PDE7B: variants seen among roughly 807,000 people sequenced by gnomAD.
PDE7B encodes phosphodiesterase 7B.
Under a neutral mutation model 56.2 loss-of-function variants are expected in PDE7B, and 29 were observed. The observed-to-expected ratio is 0.52, with a 90% CI of 0.38 to 0.70. PDE7B has a LOEUF of 0.70. Ranked by LOEUF, PDE7B falls within the 30% of genes least tolerant of loss-of-function variation. The probability of loss-of-function intolerance (pLI) is 0.00; values close to 1 mark genes in which losing one functional copy is unlikely to be tolerated. For missense variants in PDE7B, 490 were observed against 565.0 expected, an observed-to-expected ratio of 0.87 and a Z score of 1.35; for synonymous variants, 197 against 196.9, an observed-to-expected ratio of 1.00 and a Z score of 0.00.
intron 1 of PDE7B, among the ~76,000 whole-genome samples, chr6:135,893,797 A>G (rs1366125193): frequency 1.3e-5 from 2 of 152,190 alleles, no homozygotes; most frequent in African/African-American, 4.8e-5. Flanking sequence ...TTATATAGAA[A>G]TTAATAATGA....
chr6:135,894,927 CAGAA>C (rs1452128725), intron 1 of PDE7B, among the ~76,000 whole-genome samples: 2 of 152,006 alleles, frequency 1.3e-5, no homozygotes, highest in East Asian at 3.8e-4. Flanking sequence ...ATTTTTCTCA[CAGAA>C]AGAATCATAT....
At chr6:136,047,773 T>A (rs1325985260) in intron 2 of PDE7B, among the ~76,000 whole-genome samples, 7 of 152,144 alleles carry the variant, frequency 4.6e-5, no homozygotes, top group African/African-American at 1.7e-4. Context: ...AAATGAAAAA[T>A]TCAAATTTCT....
At chr6:136,130,233 G>A (rs536090197) in intron 3 of PDE7B, among the ~76,000 whole-genome samples, 6 of 152,186 alleles carry the variant, frequency 3.9e-5, no homozygotes, top group East Asian at 3.9e-4. Context: ...AGAGGGTGGC[G>A]CCAAAAACTT....
chr6:135,941,493 G>A (rs73775627), intron 1 of PDE7B, among the ~76,000 whole-genome samples: 1,593 of 152,330 alleles, frequency 0.01, 24 homozygotes, highest in African/African-American at 0.036. Context: ...ACAACTCAGT[G>A]ATGCTTCCTA....
chr6:135,911,018 A>G (rs184699270), intron 1 of PDE7B, among the ~76,000 whole-genome samples: 104 of 152,358 alleles, frequency 6.8e-4, no homozygotes, highest in Non-Finnish European at 1.2e-3. Context: ...GCAGTTGATA[A>G]CACAAGGCTC....
At chr6:135,911,340 T>G (rs1384009198) in intron 1 of PDE7B, among the ~76,000 whole-genome samples, 2 of 152,202 alleles carry the variant, frequency 1.3e-5, no homozygotes, top group Non-Finnish European at 2.9e-5. Context: ...AGTGACCAAC[T>G]GGATGACCTT....
At chr6:135,914,388 C>T (rs987353009) in intron 1 of PDE7B, among the ~76,000 whole-genome samples, 21 of 150,952 alleles carry the variant, frequency 1.4e-4, no homozygotes, top group African/African-American at 4.6e-4. Flanking sequence ...CCAGCACTGA[C>T]GTGAACTGCT....
At chr6:136,036,216 T>G (rs144261256) in intron 2 of PDE7B, among the ~76,000 whole-genome samples, 1 of 152,166 alleles carries the variant, frequency 6.6e-6, no homozygotes, top group Non-Finnish European at 1.5e-5. Context: ...GTTGAACTGA[T>G]GGTGAAATCC....
intron 11 of PDE7B, among the ~76,000 whole-genome samples, chr6:136,185,978 C>G (rs1048547627): frequency 6.6e-6 from 1 of 152,040 alleles, no homozygotes; most frequent in South Asian, 2.1e-4. Flanking sequence ...TGAAGTATTT[C>G]AATAAAGTTT....
intron 9 of PDE7B, among the ~76,000 whole-genome samples, chr6:136,175,529 T>C (rs1339673720): frequency 1.3e-5 from 2 of 152,180 alleles, no homozygotes; most frequent in Non-Finnish European, 2.9e-5. Context: ...TTAACCTGGC[T>C]AGTTTATTTT....
intron 2 of PDE7B, among the ~76,000 whole-genome samples, chr6:136,087,527 T>TAATA (rs1263961994): frequency 6.6e-6 from 1 of 152,198 alleles, no homozygotes; most frequent in East Asian, 1.9e-4. Flanking sequence ...GAAATTAAGT[T>TAATA]AATACCATAA....
At chr6:135,980,950 C>T in intron 2 of PDE7B, among the ~76,000 whole-genome samples, 1 of 149,210 alleles carries the variant, frequency 6.7e-6, no homozygotes, top group Admixed American at 6.8e-5. Flanking sequence ...ACCCAAAGGA[C>T]TATAAATCAT....
chr6:136,067,569 C>T (rs778728695), intron 2 of PDE7B, among the ~76,000 whole-genome samples: 1 of 152,138 alleles, frequency 6.6e-6, no homozygotes, highest in Non-Finnish European at 1.5e-5. Context: ...ACTTCTATGC[C>T]GGAAGCATAA....
At chr6:135,886,829 C>T (rs1282557557) in intron 1 of PDE7B, among the ~76,000 whole-genome samples, 2 of 152,120 alleles carry the variant, frequency 1.3e-5, no homozygotes, top group Non-Finnish European at 2.9e-5. Flanking sequence ...TGTAAACATG[C>T]TCGTGCATGT....
At chr6:135,985,118 T>C (rs1775354667) in intron 2 of PDE7B, among the ~76,000 whole-genome samples, 1 of 152,178 alleles carries the variant, frequency 6.6e-6, no homozygotes, top group Non-Finnish European at 1.5e-5. Flanking sequence ...GACTTTACAC[T>C]TTATGTTTGC....
intron 2 of PDE7B, among the ~76,000 whole-genome samples, chr6:135,949,006 T>C (rs764057849): frequency 1.3e-5 from 2 of 151,986 alleles, no homozygotes; most frequent in Non-Finnish European, 2.9e-5. Flanking sequence ...GGAAACTGTT[T>C]TACCATCACA....
chr6:136,109,581 T>C (rs1373137301), intron 3 of PDE7B, among the ~76,000 whole-genome samples: 1 of 152,194 alleles, frequency 6.6e-6, no homozygotes, highest in African/African-American at 2.4e-5. Flanking sequence ...GGTAAAACTC[T>C]TCACCAGGGC....
At chr6:136,143,357 A>AT (rs1214429773) in intron 3 of PDE7B, among the ~76,000 whole-genome samples, 6 of 151,494 alleles carry the variant, frequency 4.0e-5, no homozygotes, top group East Asian at 1.9e-4. Context: ...TGTCTATTAT[A>AT]TTTTTTTTAT....
chr6:136,096,673 ATTC>A (rs975147850), intron 2 of PDE7B, among the ~76,000 whole-genome samples: 1 of 151,984 alleles, frequency 6.6e-6, no homozygotes, highest in Non-Finnish European at 1.5e-5. Flanking sequence ...AATTACTATT[ATTC>A]TTAAGATCAG....
Sources: gnomAD v4.1 joint callset for allele counts (sites outside exome capture counted in the v4.1 genomes callset) on GRCh38, gnomAD v4.1.1 for gene constraint, MANE v1.5 for transcripts, NCBI Gene and HGNC (gene_info 2026-07-23, HGNC 2026-07-21) for gene names.